Variants in CTNNA2 observed in about 807,000 individuals in gnomAD.
CTNNA2 encodes the protein catenin alpha-2.
A neutral mutation model predicts 101.0 loss-of-function variants in CTNNA2; 42 were observed. The observed-to-expected ratio is 0.42, with a 90% CI of 0.32 to 0.54. The LOEUF is 0.54. Ranked by LOEUF, CTNNA2 falls within the 20% of genes least tolerant of loss-of-function variation. CTNNA2 has a pLI of 0.14. For missense variants in CTNNA2, 871 were observed against 1,223.1 expected (o/e 0.71, Z 4.29); for synonymous variants, 450 against 456.4 (o/e 0.99, Z 0.18).
chr2:80,031,297 C>A (rs1399725373), intron 7 of CTNNA2, among the ~76,000 whole-genome samples: 1 of 152,180 alleles, frequency 6.6e-6, no homozygotes, highest in Non-Finnish European at 1.5e-5. Flanking sequence ...AGTCCATTTT[C>A]ATGCTGCTAA....
At chr2:79,542,193 G>A (rs987782295) in intron 1 of CTNNA2, among the ~76,000 whole-genome samples, 2 of 152,092 alleles carry the variant, frequency 1.3e-5, no homozygotes, top group African/African-American at 4.8e-5. Flanking sequence ...TCTGGCTGCT[G>A]CAATTTCCTA....
At chr2:79,192,378 CTGCA>C (rs1021421485) in intron 1 of CTNNA2, among the ~76,000 whole-genome samples, 1 of 152,146 alleles carries the variant, frequency 6.6e-6, no homozygotes, top group African/African-American at 2.4e-5. Flanking sequence ...GACCTTAACC[CTGCA>C]TGTTCCTCAC....
intron 2 of CTNNA2, among the ~76,000 whole-genome samples, chr2:79,722,802 A>G (rs1257289089): frequency 6.6e-6 from 1 of 152,196 alleles, no homozygotes; most frequent in African/African-American, 2.4e-5. Flanking sequence ...TGATCAATAA[A>G]TATTTATTAA....
intron 3 of CTNNA2, among the ~76,000 whole-genome samples, chr2:79,825,518 G>A (rs1205991645): frequency 6.6e-6 from 1 of 152,124 alleles, no homozygotes; most frequent in African/African-American, 2.4e-5. Context: ...ATCTAAAGGG[G>A]ATAGTGTTGC....
Position 79,731,482 on chromosome 2 carries a change from G to A in CTNNA2, c.103-12905G>A, listed in dbSNP as rs1687189994. Among the ~76,000 whole-genome samples the A allele has an allele frequency of 2.0e-5, 3 of 152,146 alleles. No homozygotes were observed. In the South Asian group the frequency reaches 6.2e-4, roughly 32 times the overall value. ...TAATCCCTCTGCAAAACCCATACAG[G>A]TATAAAAGACAAGGAGATGTGATAG... On this transcript the variant is annotated intron_variant, in intron 2 of 18. Transcript: ENST00000402739.
intron 2 of CTNNA2, among the ~76,000 whole-genome samples, chr2:79,231,780 A>G (rs1674496586): frequency 6.6e-6 from 1 of 151,830 alleles, no homozygotes; most frequent in East Asian, 2.0e-4. Context: ...TTACCTCCTT[A>G]GTAAGATAGA....
intron 1 of CTNNA2, among the ~76,000 whole-genome samples, chr2:79,595,145 CT>C (rs1310415446): frequency 2.0e-5 from 3 of 152,294 alleles, no homozygotes; most frequent in African/African-American, 7.2e-5. Context: ...AACATAAGCA[CT>C]TGTGGTCAAC....
intron 3 of CTNNA2, among the ~76,000 whole-genome samples, chr2:79,828,902 TG>T (rs1678652344): frequency 6.6e-6 from 1 of 152,218 alleles, no homozygotes; most frequent in Admixed American, 6.5e-5. Flanking sequence ...TGGTCTGAAT[TG>T]GGATAGTTGT....
chr2:79,446,844 T>C (rs1249102771), intron 4 of CTNNA2, among the ~76,000 whole-genome samples: 1 of 152,088 alleles, frequency 6.6e-6, no homozygotes, highest in Non-Finnish European at 1.5e-5. Flanking sequence ...AGATTTGTCC[T>C]ATATAGAGAA....
At chr2:80,193,310 G>A (rs1201129314) in intron 7 of CTNNA2, among the ~76,000 whole-genome samples, 1 of 152,176 alleles carries the variant, frequency 6.6e-6, no homozygotes, top group African/African-American at 2.4e-5. Context: ...CATGGGCATA[G>A]TCTTGGGTTA....
intron 1 of CTNNA2, among the ~76,000 whole-genome samples, chr2:79,515,858 T>A (rs551017435): frequency 6.6e-6 from 1 of 152,328 alleles, no homozygotes; most frequent in South Asian, 2.1e-4. Flanking sequence ...GAAGATCTTA[T>A]GGACCCCTGT....
chr2:79,451,665 A>G (rs1281826068), intron 4 of CTNNA2, among the ~76,000 whole-genome samples: 2 of 151,942 alleles, frequency 1.3e-5, no homozygotes, highest in Admixed American at 1.3e-4. Flanking sequence ...TCAGTAGACA[A>G]GGATATCAGT....
Position 80,467,213 on chromosome 2 carries a change from C to T in CTNNA2, c.1290+47612C>T, listed in dbSNP as rs114332808. The stretch of plus-strand genomic sequence containing the variant: ...ACTTCACATGCCACGCGCTTCCTCA[C>T]TCTAAAAGTACCTCCATCCTTCATG... On this transcript the variant is annotated intron_variant, in intron 9 of 18. Transcript: ENST00000402739. Among the ~76,000 whole-genome samples, 829 of 152,286 alleles carry T rather than the reference C, an allele frequency of 5.4e-3. 11 individuals are homozygous for T. The highest frequency in any genetic ancestry group is 0.019 in the African/African-American group (796 of 41,544).
intron 7 of CTNNA2, among the ~76,000 whole-genome samples, chr2:80,010,684 G>T (rs1693715206): frequency 6.7e-6 from 1 of 150,058 alleles, no homozygotes; most frequent in Non-Finnish European, 1.5e-5. Context: ...TAGTTAGGTT[G>T]GTGCAAAAGT....
At chr2:79,775,537 C>A (rs181388989) in intron 3 of CTNNA2, among the ~76,000 whole-genome samples, 1 of 151,994 alleles carries the variant, frequency 6.6e-6, no homozygotes, top group Non-Finnish European at 1.5e-5. Flanking sequence ...AAACATGTGC[C>A]GTGGTGGTTT....
chr2:79,774,349 G>A (rs1673808663), intron 3 of CTNNA2, among the ~76,000 whole-genome samples: 1 of 152,212 alleles, frequency 6.6e-6, no homozygotes, highest in South Asian at 2.1e-4. Context: ...CCCTGTAGTT[G>A]AAAGCCTCTG....
intron 3 of CTNNA2, among the ~76,000 whole-genome samples, chr2:79,338,705 T>C (rs1345785729): frequency 2.0e-5 from 3 of 151,354 alleles, no homozygotes; most frequent in African/African-American, 7.3e-5. Flanking sequence ...AATATAATAA[T>C]GGAGACACTA....
intron 9 of CTNNA2, among the ~76,000 whole-genome samples, chr2:80,488,023 C>T (rs1013374004): frequency 3.3e-5 from 5 of 152,116 alleles, no homozygotes; most frequent in East Asian, 1.9e-4. Flanking sequence ...TGTTTTAAAG[C>T]TAAGGAAATT....
intron 7 of CTNNA2, among the ~76,000 whole-genome samples, chr2:80,272,720 T>C (rs1673594850): frequency 6.6e-6 from 1 of 152,236 alleles, no homozygotes. Context: ...TATTATATTT[T>C]AGTATAAGTA....
Sources: allele counts gnomAD v4.1 joint callset (sites outside exome capture counted in the v4.1 genomes callset), GRCh38; gene constraint gnomAD v4.1.1; transcripts MANE v1.5; gene names NCBI Gene and HGNC (gene_info 2026-07-23, HGNC 2026-07-21).